The following THBS2 variants were observed in gnomAD, a reference collection of about 807,000 sequenced individuals.
The protein encoded by THBS2 is thrombospondin-2.
A neutral mutation model predicts 135.2 loss-of-function variants in THBS2; 47 were observed. That is an observed-to-expected ratio of 0.35 (90% CI 0.28 to 0.44). THBS2 has a LOEUF of 0.44. THBS2 is among the 20% of genes least tolerant of loss of function. The pLI is 1.00. For synonymous variants in THBS2, 639 were observed against 633.8 expected, an observed-to-expected ratio of 1.01 and a Z score of -0.12; for missense variants, 1,288 against 1,603.1, an observed-to-expected ratio of 0.80 and a Z score of 3.36.
At chr6:169,220,108 G>T in intron 21 of THBS2, 90 bp downstream of exon 21, 1 of 1,503,722 alleles carries the variant, frequency 6.7e-7, no homozygotes, top group Non-Finnish European at 9.0e-7. Context: ...CTGATGTACA[G>T]CTTTTGTAAG....
At chr6:169,221,671 A>C (rs1213725588) in intron 19 of THBS2, 144 bp from the exon 20 acceptor site, 6 of 705,220 alleles carry the variant, frequency 8.5e-6, no homozygotes, top group Non-Finnish European at 1.5e-5. Context: ...TGATGTGTTT[A>C]TCATCCAAAT....
chr6:169,225,071 C>T (rs984400378), intron 17 of THBS2, 74 bp downstream of exon 17: 5 of 1,394,212 alleles, frequency 3.6e-6, no homozygotes, highest in Non-Finnish European at 5.1e-6. Context: ...GATCTCCGTG[C>T]ATACATATCT....
At chr6:169,232,235 GGAC>G (rs1009136646) in intron 12 of THBS2, 37 bp from the exon 13 acceptor site, 1 of 1,607,068 alleles carries the variant, frequency 6.2e-7, no homozygotes, top group African/African-American at 1.3e-5. Flanking sequence ...GCGACAGGCA[GGAC>G]GATGGCTCCG....
chr6:169,232,910 G>A lies in THBS2; in HGVS notation c.1759C>T (p.His587Tyr), dbSNP rs890711448. 1 of 1,589,472 alleles carries A rather than the reference G, an allele frequency of 6.3e-7. No homozygotes were observed. Reference sequence around the variant, plus strand: ...CCCACCTCGTCCAGGTCCTCACAGTGGGTGCCATTGCCCAAGAAGCCCACA... The same window carrying A: ...CCCACCTCGTCCAGGTCCTCACAGTAGGTGCCATTGCCCAAGAAGCCCACA... Reference protein sequence around the residue: ...CPVGFLGNGTHCEDLDECALV... With the variant: ...CPVGFLGNGTYCEDLDECALV... Residue 587 changes from histidine (H) to tyrosine (Y), a missense_variant, in exon 11 of 22, where the codon CAC becomes TAC. His to Tyr is a moderately conservative substitution (Grantham distance 83). This residue lies in a region of THBS2 where 874 missense variants were observed against 1,156.1 expected (regional missense o/e 0.76). Transcript: ENST00000617924.
At chr6:169,235,730 C>A (rs1016122486) in intron 9 of THBS2, among the ~76,000 whole-genome samples, 1 of 150,350 alleles carries the variant, frequency 6.7e-6, no homozygotes, top group African/African-American at 2.4e-5. Context: ...TCACTTCCAT[C>A]CACACTCACT....
chr6:169,235,213 G>T (rs572856820), intron 9 of THBS2, among the ~76,000 whole-genome samples: 113 of 151,796 alleles, frequency 7.4e-4, no homozygotes, highest in African/African-American at 2.6e-3. Flanking sequence ...TAATAGAGAG[G>T]GTCTCGCTAT....
intron 13 of THBS2, among the ~76,000 whole-genome samples, chr6:169,230,951 T>G (rs1779809466): frequency 6.6e-6 from 1 of 152,214 alleles, no homozygotes; most frequent in African/African-American, 2.4e-5. Flanking sequence ...ATATTTATAT[T>G]TTCAAATGAT....
rs1389053610 is a variant in THBS2 at position 169,252,957 on chromosome 6, C to G, written c.-23+767G>C. 6.6e-6 allele frequency among the ~76,000 whole-genome samples: 1 copy of G among 152,216 alleles called. No homozygotes were observed. Among genetic ancestry groups the G allele is most frequent in the Non-Finnish European group, 1.5e-5 (1 of 68,034 alleles). ...AGCAGTCTGATTAAACACCAGACTC[C>G]TGGGTGCTCAGCTCCCAGTCCTGGG... On this transcript the variant is annotated intron_variant, in intron 1 of 21. Transcript: ENST00000617924. This position sits in a 1 kb window ranked among gnomAD's most constrained non-coding sequence, Gnocchi z 4.3.
At chr6:169,231,880 TC>T in intron 13 of THBS2, 99 bp downstream of exon 13, 1 of 1,308,806 alleles carries the variant, frequency 7.6e-7, no homozygotes, top group South Asian at 1.4e-5. Context: ...CCTTCCAAAT[TC>T]CCTGTGCTGC....
chr6:169,242,993 G>A (rs111210898), intron 4 of THBS2, among the ~76,000 whole-genome samples: 24 of 8,050 alleles, frequency 3.0e-3, no homozygotes, highest in African/African-American at 0.016. Context: ...TCCCACATTC[G>A]CACCTTCCCA....
rs1234732806 is a variant in THBS2 at position 169,216,440 on chromosome 6, AAAAC to A, written c.*1378_*1381del. 5.9e-5 allele frequency: 9 copies of A among 152,182 alleles called. No individual in the cohort carries two copies. Among genetic ancestry groups the A allele is most frequent in the Non-Finnish European group, 2.9e-5 (2 of 68,036 alleles). 9.4% of individuals were successfully genotyped at this position (152,182 alleles called of 1,614,324 possible). A position where few individuals can be genotyped will look rare whatever the true frequency, so the allele number is the denominator to read the frequency against. On this transcript the variant is annotated 3_prime_UTR_variant, in exon 22 of 22. Coordinates refer to ENST00000617924, the MANE Select transcript of THBS2 (RefSeq NM_003247.5). ...AACAAACCAACCAACAAAAAAAACA[AAAAC>A]AAAAACAAACTTGTGCATATTACAC...
rs183649608 is a variant in THBS2 at position 169,225,068 on chromosome 6, G to A, written c.2773+77C>T. 130 of 1,372,922 alleles carry A rather than the reference G, an allele frequency of 9.5e-5. No individual in the cohort carries two copies. The East Asian group carries it at 1.9e-3, about 20-fold the overall frequency. The allele number at this position is 1,372,922 out of a possible 1,614,324, so 85.0% of individuals were successfully genotyped here. ...CAGCAGCAGATTTAAGATGATCTCCGTGCATACATATCTCTGCCCTGGCGG... is the reference window on the plus strand; with the variant it reads ...CAGCAGCAGATTTAAGATGATCTCCATGCATACATATCTCTGCCCTGGCGG... On this transcript the variant is annotated intron_variant, in intron 17 of 21. Coordinates refer to ENST00000617924, the MANE Select transcript of THBS2 (RefSeq NM_003247.5).
Position 169,246,276 on chromosome 6 carries a change from C to A in THBS2, c.615G>T (p.Leu205Phe), listed in dbSNP as rs949410002. 10 of 1,613,540 alleles carry A rather than the reference C, an allele frequency of 6.2e-6. No individual in the cohort carries two copies. In the African/African-American group the frequency reaches 9.3e-5, roughly 15 times the overall value. The change falls in exon 4 of 22, where the codon TTG (leucine) becomes TTT (phenylalanine). Residue 205 changes from leucine to phenylalanine, a missense_variant. Physicochemically the swap from Leu to Phe is conservative, Grantham distance 22 (BLOSUM62 0). Transcript: ENST00000617924. ...CAAACACTAGGTGGACGTTCTGAAG[C>A]AAACCCTGTAAGTATACACAAGCAG... ...GSARESHFRGLLQNVHLVFEN... is the reference protein window; with the variant it reads ...GSARESHFRGFLQNVHLVFEN...
rs754968386 is a variant in THBS2, at chr6:169,241,730, A to G, written c.891+32T>C. 1.3e-5 allele frequency: 20 copies of G among 1,571,634 alleles called. No homozygotes were observed. The highest frequency in any genetic ancestry group is 4.6e-5 in the South Asian group (4 of 87,148). ...CCAGCGGCGGAGCTGCCCATGCCCT[A>G]TGACCCCCGCGGCCCCTGCGTGAGT... On this transcript the variant is annotated intron_variant, in intron 5 of 21. Coordinates refer to ENST00000617924, the MANE Select transcript of THBS2 (RefSeq NM_003247.5). The surrounding 1 kb of genome is among the most constrained non-coding windows in gnomAD (Gnocchi z 5.5).
intron 10 of THBS2, 112 bp downstream of exon 10, chr6:169,234,622 C>T: frequency 8.7e-7 from 1 of 1,149,348 alleles, no homozygotes; most frequent in Non-Finnish European, 1.2e-6. Flanking sequence ...GCGTGTGCAA[C>T]TAAAATTGAT....
chr6:169,239,780 A>C (rs1373078490), intron 6 of THBS2, 85 bp from the exon 7 acceptor site: 1 of 1,010,540 alleles, frequency 9.9e-7, no homozygotes, highest in African/African-American at 1.6e-5. Flanking sequence ...AGGGGTCGAC[A>C]GAATGGCTGA....
intron 13 of THBS2, among the ~76,000 whole-genome samples, chr6:169,231,080 G>A (rs1262631251): frequency 1.3e-5 from 2 of 152,138 alleles, no homozygotes; most frequent in African/African-American, 4.8e-5. Flanking sequence ...ATGGATGTCC[G>A]CGTCCTAGTG....
chr6:169,232,584 C>G, intron 12 of THBS2, 80 bp downstream of exon 12: 1 of 1,529,306 alleles, frequency 6.5e-7, no homozygotes, highest in Non-Finnish European at 8.8e-7. Context: ...CCTTCCTCTC[C>G]TTCCTCCTGC....
chr6:169,237,926 C>T, intron 7 of THBS2, 131 bp from the exon 8 acceptor site: 1 of 1,197,736 alleles, frequency 8.3e-7, no homozygotes, highest in Non-Finnish European at 1.1e-6. Flanking sequence ...CACTGCCTGG[C>T]TGGGGCAGGT....
Sources: allele counts gnomAD v4.1 joint callset (sites outside exome capture counted in the v4.1 genomes callset), GRCh38; gene constraint gnomAD v4.1.1; regional missense constraint gnomAD v4.1.1; non-coding constraint Gnocchi (gnomAD v3.1); transcripts MANE v1.5; gene names NCBI Gene and HGNC (gene_info 2026-07-23, HGNC 2026-07-21).